Variants in ATAD2 observed in about 807,000 individuals in gnomAD.
ATAD2 encodes ATPase family AAA domain containing 2, also known as ATPase family AAA domain-containing protein 2.
ATAD2 carries 62 observed loss-of-function variants against 168.9 expected under a neutral mutation model. The observed-to-expected ratio is 0.37, with a 90% confidence interval of 0.30 to 0.45. The LOEUF (loss-of-function observed/expected upper bound fraction) is 0.45. Among genes scored for constraint, ATAD2 ranks in the 20% least tolerant of loss-of-function variants. ATAD2 has a pLI of 1.00. For missense variants in ATAD2, 1,419 were observed against 1,667.8 expected (o/e 0.85, Z 2.60); for synonymous variants, 613 against 571.6 (o/e 1.07, Z -1.03).
At chr8:123,374,318 A>C (rs943136706) in intron 2 of ATAD2, among the ~76,000 whole-genome samples, 2 of 152,218 alleles carry the variant, frequency 1.3e-5, no homozygotes, top group African/African-American at 4.8e-5. Flanking sequence ...GCACCACTAC[A>C]TTCCAGCCCG....
rs183843560 is a variant in ATAD2 at position 123,361,502 on chromosome 8, G to A, written c.1157+37C>T. Reference sequence around the variant, plus strand: ...TTTCTTAGCAATTTTTACAAAATGTGTCTGCTAGTTTAAAAAGGCATCAAT... The same window carrying A: ...TTTCTTAGCAATTTTTACAAAATGTATCTGCTAGTTTAAAAAGGCATCAAT... On this transcript the variant is annotated intron_variant, in intron 9 of 27. Transcript: ENST00000287394. 1.4e-4 allele frequency: 216 copies of A among 1,514,234 alleles called. 1 individual carries two copies. The East Asian group carries it at 4.7e-3, about 33-fold the overall frequency. 93.8% of individuals were successfully genotyped at this position (1,514,234 alleles called of 1,614,324 possible).
In ATAD2 at chr8:123,372,752, G is replaced by C. The variant is rs1829185406; in HGVS notation, c.321-66C>G. ...TAACTTTATTTTTATTTATTTAGAT[G>C]GGATTGCACTCCATCGTCCAACAGG... On this transcript the variant is annotated intron_variant, in intron 2 of 27. Coordinates refer to ENST00000287394, the MANE Select transcript of ATAD2 (RefSeq NM_014109.4). 8 of 1,316,562 alleles carry C rather than the reference G, an allele frequency of 6.1e-6. No individual in the cohort carries two copies. The East Asian group carries it at 2.0e-4, about 34-fold the overall frequency. The allele number at this position is 1,316,562 out of a possible 1,614,324, so 81.6% of individuals were successfully genotyped here. A position where few individuals can be genotyped will look rare whatever the true frequency, so the allele number is the denominator to read the frequency against.
In ATAD2 at chr8:123,364,078, A is replaced by G. The variant is rs929305896; in HGVS notation, c.1050-2432T>C. Among the ~76,000 whole-genome samples the G allele has an allele frequency of 2.8e-4, 42 of 152,194 alleles. 1 individual carries two copies. The highest frequency in any genetic ancestry group is 1.0e-3 in the African/African-American group (42 of 41,452). The stretch of plus-strand genomic sequence containing the variant: ...TTTGCAAAATGGAGATTATTTTTAA[A>G]CATCGAAGTACAGTTATAATAGCAA... On this transcript the variant is annotated intron_variant, in intron 8 of 27. Transcript: ENST00000287394.
intron 26 of ATAD2, among the ~76,000 whole-genome samples, chr8:123,324,830 A>G (rs1827563940): frequency 6.6e-6 from 1 of 152,224 alleles, no homozygotes; most frequent in South Asian, 2.1e-4. Flanking sequence ...AGGCAGGGGA[A>G]CAGAATGAGC....
chr8:123,365,065 A>AATCC (rs1050022188), intron 8 of ATAD2, among the ~76,000 whole-genome samples: 1 of 152,218 alleles, frequency 6.6e-6, no homozygotes, highest in Non-Finnish European at 1.5e-5. Context: ...CTGACAAAAA[A>AATCC]ATCCAGCAAA....
chr8:123,326,083 A>G, intron 25 of ATAD2, 57 bp from the exon 26 acceptor site: 1 of 1,540,536 alleles, frequency 6.5e-7, no homozygotes, highest in South Asian at 1.2e-5. Flanking sequence ...GATGTCTAAA[A>G]TAAATAATAA....
At chr8:123,349,737 A>G (rs1828386816) in intron 13 of ATAD2, among the ~76,000 whole-genome samples, 1 of 151,980 alleles carries the variant, frequency 6.6e-6, no homozygotes, top group Non-Finnish European at 1.5e-5. Flanking sequence ...AACAATATAT[A>G]ACATCAAAAA....
At chr8:123,355,073 C>G (rs994307643) in intron 13 of ATAD2, among the ~76,000 whole-genome samples, 1 of 151,352 alleles carries the variant, frequency 6.6e-6, no homozygotes, top group Non-Finnish European at 1.5e-5. Context: ...TAATGAAATG[C>G]GTCACATATA....
chr8:123,389,121 C>G (rs1344454995), intron 1 of ATAD2, among the ~76,000 whole-genome samples: 1 of 137,584 alleles, frequency 7.3e-6, no homozygotes, highest in African/African-American at 2.6e-5. Context: ...AGCCTGCTAC[C>G]ACGCCCGGCT....
Position 123,349,270 on chromosome 8 carries a change from A to T in ATAD2, c.1806+15T>A. On this transcript the variant is annotated intron_variant, in intron 14 of 27. Transcript: ENST00000287394. ...AATATATTTTGTCAAAATTTGAGTG[A>T]CATTAAATTCTTACCTCTTTATCAG... is the stretch of plus-strand genomic sequence containing the variant. 6.2e-7 allele frequency: 1 copy of T among 1,602,780 alleles called. No homozygotes were observed. Among genetic ancestry groups the T allele is most frequent in the South Asian group, 1.1e-5 (1 of 89,334 alleles).
Position 123,333,956 on chromosome 8 carries a change from C to T in ATAD2, c.3400G>A (p.Val1134Ile). 6.2e-7 allele frequency: 1 copy of T among 1,614,062 alleles called. No individual in the cohort carries two copies. The highest frequency in any genetic ancestry group is 1.7e-5 in the Admixed American group (1 of 60,022). Reference protein sequence around the residue: ...HVMPKQNSTLVGDKRSDPEQN... With the variant: ...HVMPKQNSTLIGDKRSDPEQN... ...TCTGGGTCTGATCTTTTATCACCAA[C>T]AAGAGTGGAATTTTGCTTTGGCATC... The change falls in exon 24 of 28, where the codon GTT becomes ATT. Residue 1134 changes from valine (V) to isoleucine (I), a missense_variant. Around this residue, in one of 5 missense-constraint regions of ATAD2, gnomAD observed 303 missense variants for 304.3 expected, o/e 1.00. Transcript: ENST00000287394.
chr8:123,356,540 T>A, intron 12 of ATAD2, 63 bp from the exon 13 acceptor site: 1 of 1,054,592 alleles, frequency 9.5e-7, no homozygotes, highest in Non-Finnish European at 1.4e-6. Context: ...AGACTTAATA[T>A]AAACCATTTT....
chr8:123,374,860 A>T (rs1246493274), intron 2 of ATAD2, among the ~76,000 whole-genome samples: 1 of 152,216 alleles, frequency 6.6e-6, no homozygotes, highest in Non-Finnish European at 1.5e-5. Flanking sequence ...GACTATACCT[A>T]ATCACTGGAC....
chr8:123,346,405 T>A (rs892666214), intron 17 of ATAD2, 133 bp from the exon 18 acceptor site: 8 of 1,023,994 alleles, frequency 7.8e-6, no homozygotes, highest in South Asian at 3.9e-5. Context: ...ATGGTTCACA[T>A]AGTTTCTGGA....
rs1232231417 is a variant in ATAD2 at position 123,328,315 on chromosome 8, A to G, written c.3743T>C (p.Ile1248Thr). Residue 1248 changes from isoleucine (I) to threonine (T), a missense_variant, in exon 25 of 28, where the codon ATA becomes ACA. Coordinates refer to ENST00000287394, the MANE Select transcript of ATAD2 (RefSeq NM_014109.4). ...ELRNNSNTCN[I>T]ENELEDSRKT... ...CCTAGAGTCTTCAAGCTCATTCTCTATATTACAAGTATTTGAATTATTTCT... is the reference window on the plus strand; with the variant it reads ...CCTAGAGTCTTCAAGCTCATTCTCTGTATTACAAGTATTTGAATTATTTCT... The G allele has an allele frequency of 5.6e-6, 9 of 1,607,372 alleles. No individual in the cohort carries two copies. Among genetic ancestry groups the G allele is most frequent in the South Asian group, 4.5e-5 (4 of 88,456 alleles).
At chr8:123,372,931 C>T (rs1004417130) in intron 2 of ATAD2, among the ~76,000 whole-genome samples, 2 of 147,552 alleles carry the variant, frequency 1.4e-5, no homozygotes, top group East Asian at 4.0e-4. Flanking sequence ...CTTGCTCTGT[C>T]GCCCAGGCTG....
chr8:123,342,492 AAAAG>A (rs990247266), intron 19 of ATAD2: 23 of 152,196 alleles, frequency 1.5e-4, no homozygotes, highest in South Asian at 2.1e-4. Context: ...GTTAAAAAAA[AAAAG>A]AAAGAGAAAT....
At chr8:123,331,762 C>T (rs1400144000) in intron 24 of ATAD2, among the ~76,000 whole-genome samples, 2 of 152,126 alleles carry the variant, frequency 1.3e-5, no homozygotes, top group East Asian at 3.9e-4. Flanking sequence ...CTATACTAAA[C>T]ACACACAAAA....
chr8:123,374,866 T>C (rs1464228191), intron 2 of ATAD2, among the ~76,000 whole-genome samples: 1 of 152,210 alleles, frequency 6.6e-6, no homozygotes, highest in Admixed American at 6.5e-5. Context: ...ACCTAATCAC[T>C]GGACCCTAGT....
Sources: allele counts gnomAD v4.1 joint callset (sites outside exome capture counted in the v4.1 genomes callset), GRCh38; gene constraint gnomAD v4.1.1; regional missense constraint gnomAD v4.1.1; transcripts MANE v1.5; gene names NCBI Gene and HGNC (gene_info 2026-07-23, HGNC 2026-07-21).